FSD1: variants seen among roughly 807,000 people sequenced by gnomAD.
The protein encoded by FSD1 is fibronectin type III and SPRY domain containing 1.
A neutral mutation model predicts 58.2 loss-of-function variants in FSD1; 23 were observed. The observed-to-expected ratio is 0.40, with a 90% CI of 0.28 to 0.56. FSD1 has a LOEUF of 0.56. Ranked by LOEUF, FSD1 falls within the 20% of genes least tolerant of loss-of-function variation. The probability of loss-of-function intolerance (pLI) is 0.54; values close to 1 mark genes in which losing one functional copy is unlikely to be tolerated. For missense variants in FSD1, 563 were observed against 670.8 expected (o/e 0.84, Z 1.78); for synonymous variants, 265 against 263.4 (o/e 1.01, Z -0.06).
intron 7 of FSD1, among the ~76,000 whole-genome samples, chr19:4,315,925 A>G (rs1971750743): frequency 6.6e-6 from 1 of 150,418 alleles, no homozygotes; most frequent in East Asian, 2.0e-4. Flanking sequence ...CACCGCGCCT[A>G]GCCAGTTTTT....
At position 4,317,614 on chromosome 19, in the gene FSD1, C is replaced by A. The variant is rs1052070551; in HGVS notation, c.799+334C>A. Among the ~76,000 whole-genome samples, 5 of 152,244 alleles carry A rather than the reference C, an allele frequency of 3.3e-5. No homozygotes were observed. The East Asian group carries it at 9.6e-4, about 29-fold the overall frequency. On this transcript the variant is annotated intron_variant, in intron 8 of 12. Transcript: ENST00000221856. The stretch of plus-strand genomic sequence containing the variant: ...CCTTTCACAGTGACACCTTCACATG[C>A]CCTGCTAGGAAGTCCCTCTGAAATC...
At chr19:4,318,267 C>T in intron 8 of FSD1, 79 bp from the exon 9 acceptor site, 1 of 1,588,066 alleles carries the variant, frequency 6.3e-7, no homozygotes. Flanking sequence ...CTGTCTTGGT[C>T]ACTCTCTGTC....
chr19:4,316,675 G>T (rs1394662471), intron 7 of FSD1, among the ~76,000 whole-genome samples: 1 of 152,040 alleles, frequency 6.6e-6, no homozygotes, highest in African/African-American at 2.4e-5. Context: ...GTTGGAGGTG[G>T]AGTCAAGTAA....
At chr19:4,307,569 G>A (rs1203406287) in intron 3 of FSD1, among the ~76,000 whole-genome samples, 1 of 151,718 alleles carries the variant, frequency 6.6e-6, no homozygotes, top group Admixed American at 6.6e-5. Context: ...GGGTTTCACT[G>A]TGTTGGCCAG....
intron 10 of FSD1, among the ~76,000 whole-genome samples, chr19:4,320,127 G>A (rs751320316): frequency 6.6e-6 from 1 of 152,078 alleles, no homozygotes; most frequent in African/African-American, 2.4e-5. Context: ...GGCCTGGAGA[G>A]TATCTGGCTT....
intron 6 of FSD1, 121 bp downstream of exon 6, chr19:4,310,717 G>A (rs2144758894): frequency 8.3e-7 from 1 of 1,202,186 alleles, no homozygotes; most frequent in Non-Finnish European, 1.2e-6. Flanking sequence ...GCCTGGGGGA[G>A]GTGGAGCTCT....
intron 7 of FSD1, among the ~76,000 whole-genome samples, chr19:4,315,533 C>T (rs1412116755): frequency 6.6e-6 from 1 of 150,776 alleles, no homozygotes; most frequent in Non-Finnish European, 1.5e-5. Flanking sequence ...TGGTCTTGAT[C>T]TCCTGACCTT....
Position 4,306,103 on chromosome 19 carries a change from C to T in FSD1, c.111+62C>T, listed in dbSNP as rs74435900. ...AGGGGAGGAAGCTGGAGGGTGCAGC[C>T]TTAGGAACTGGCCCATTGCTGTTGA... On this transcript the variant is annotated intron_variant, in intron 2 of 12. Coordinates refer to ENST00000221856, the MANE Select transcript of FSD1 (RefSeq NM_024333.3). 9,074 of 1,605,830 alleles carry T rather than the reference C, an allele frequency of 5.7e-3. 452 individuals carry two copies. In the African/African-American group the frequency reaches 0.11, roughly 19 times the overall value.
chr19:4,318,935 G>A lies in FSD1; in HGVS notation c.1023G>A (p.Glu341=), dbSNP rs1437191544. ...GGGGACGGGACCGCTTCACCGCTGA[G>A]TCCTACACAGTTCTGGGTAAGGAAG... ...GRGGRDRFTA[E]SYTVLGDTLI... is the part of the protein sequence containing the mutation. Residue 341 remains glutamate (E), a synonymous_variant, in exon 10 of 13, where the codon GAG becomes GAA. Transcript: ENST00000221856. 6.2e-7 allele frequency: 1 copy of A among 1,613,528 alleles called. No homozygotes were observed. The highest frequency in any genetic ancestry group is 2.2e-5 in the East Asian group (1 of 44,894).
In FSD1 at chr19:4,323,763, G is replaced by A. The variant is rs970120571; in HGVS notation, c.*120G>A. On this transcript the variant is annotated 3_prime_UTR_variant, in exon 13 of 13. Transcript: ENST00000221856. The surrounding 1 kb of genome is among the most constrained non-coding windows in gnomAD (Gnocchi z 7.7). Reference sequence around the variant, plus strand: ...TTGGAGCCTTAACTCCAGATGGGGGGGTCACCAAGAGGGAGTGGGCACCCT... The same window carrying A: ...TTGGAGCCTTAACTCCAGATGGGGGAGTCACCAAGAGGGAGTGGGCACCCT... The A allele has an allele frequency of 4.2e-6, 3 of 712,348 alleles. No individual in the cohort carries two copies. The highest frequency in any genetic ancestry group is 3.6e-5 in the African/African-American group (2 of 56,318). The allele number at this position is 712,348 out of a possible 1,614,324, so 44.1% of individuals were successfully genotyped here. A position where few individuals can be genotyped will look rare whatever the true frequency, so the allele number is the denominator to read the frequency against.
At chr19:4,322,905 G>A in intron 10 of FSD1, 81 bp from the exon 11 acceptor site, 1 of 1,494,492 alleles carries the variant, frequency 6.7e-7, no homozygotes, top group Non-Finnish European at 9.0e-7. Flanking sequence ...GAGCACCTTG[G>A]GGGCTGGCCC....
chr19:4,317,681 G>T (rs897728922), intron 8 of FSD1, among the ~76,000 whole-genome samples: 2 of 152,082 alleles, frequency 1.3e-5, no homozygotes, highest in African/African-American at 4.8e-5. Context: ...CCTTTTTTGG[G>T]ATTAGTCCTC....
In FSD1 at chr19:4,306,345, A is replaced by G; in HGVS notation, c.243+16A>G. The G allele has an allele frequency of 6.2e-7, 1 of 1,612,616 alleles. No homozygotes were observed. Among genetic ancestry groups the G allele is most frequent in the Non-Finnish European group, 8.5e-7 (1 of 1,179,662 alleles). On this transcript the variant is annotated intron_variant, in intron 3 of 12. Coordinates refer to ENST00000221856, the MANE Select transcript of FSD1 (RefSeq NM_024333.3). ...CGAGCTGCAGGTGAGGGCTGAGGGCATCTTCCTCTCCCCCCGCCCCTCCTA... is the reference window on the plus strand; with the variant it reads ...CGAGCTGCAGGTGAGGGCTGAGGGCGTCTTCCTCTCCCCCCGCCCCTCCTA...
At chr19:4,321,519 TG>T (rs1231045141) in intron 10 of FSD1, among the ~76,000 whole-genome samples, 1 of 147,358 alleles carries the variant, frequency 6.8e-6, no homozygotes, top group African/African-American at 2.5e-5. Flanking sequence ...GAGGAGTATC[TG>T]GGGGGAATAG....
At chr19:4,317,317 A>C in intron 8 of FSD1, 37 bp downstream of exon 8, 6 of 1,216,516 alleles carry the variant, frequency 4.9e-6, no homozygotes, top group Non-Finnish European at 7.3e-6. Context: ...CCCTAACTCC[A>C]TGGCCCCTTC....
chr19:4,323,196 C>G lies in FSD1; in HGVS notation c.1250C>G (p.Pro417Arg). The G allele has an allele frequency of 6.2e-7, 1 of 1,604,876 alleles. No homozygotes were observed. The highest frequency in any genetic ancestry group is 8.5e-7 in the Non-Finnish European group (1 of 1,179,812). The change falls in exon 11 of 13, where the codon CCC (proline) becomes CGC (arginine). Residue 417 changes from proline to arginine, a missense_variant. Coordinates refer to ENST00000221856, the MANE Select transcript of FSD1 (RefSeq NM_024333.3). This position sits in a 1 kb window ranked among gnomAD's most constrained non-coding sequence, Gnocchi z 7.7. Reference protein sequence around the residue: ...HANKVKVLDAPVPDCLGVHCD... With the variant: ...HANKVKVLDARVPDCLGVHCD... The stretch of plus-strand genomic sequence containing the variant: ...AACAAGGTCAAGGTGCTGGACGCCC[C>G]CGTGCCCGACTGCCTGGGTGTGCAC...
chr19:4,318,516 C>T lies in FSD1; in HGVS notation c.959+11C>T. 2 of 1,576,284 alleles carry T rather than the reference C, an allele frequency of 1.3e-6. No homozygotes were observed. The highest frequency in any genetic ancestry group is 1.7e-6 in the Non-Finnish European group (2 of 1,160,532). On this transcript the variant is annotated intron_variant, in intron 9 of 12. Coordinates refer to ENST00000221856, the MANE Select transcript of FSD1 (RefSeq NM_024333.3). The stretch of plus-strand genomic sequence containing the variant: ...CAACTCCCCAGCCAGGTAGCCTGCC[C>T]CCTCCCCTCCCTAAGTCTCTGGTGG...
intron 8 of FSD1, 31 bp from the exon 9 acceptor site, chr19:4,318,315 C>G: frequency 6.2e-7 from 1 of 1,613,630 alleles, no homozygotes; most frequent in Non-Finnish European, 8.5e-7. Context: ...GTTTCCCCAT[C>G]TCTGTGACTC....
chr19:4,304,696 C>A lies in FSD1; in HGVS notation c.-51C>A. The A allele has an allele frequency of 8.3e-7, 1 of 1,201,644 alleles. No individual in the cohort carries two copies. The highest frequency in any genetic ancestry group is 1.0e-6 in the Non-Finnish European group (1 of 960,914). The allele number at this position is 1,201,644 out of a possible 1,614,324, so 74.4% of individuals were successfully genotyped here. On this transcript the variant is annotated 5_prime_UTR_variant, in exon 1 of 13. Coordinates refer to ENST00000221856, the MANE Select transcript of FSD1 (RefSeq NM_024333.3). ...GCCGCGGCAAAGGCAGCTTGGGGAC[C>A]CAGCGTGCGCGGGGCCCGCGGGCCG...
Sources: gnomAD v4.1 joint callset for allele counts (sites outside exome capture counted in the v4.1 genomes callset) on GRCh38, gnomAD v4.1.1 for gene constraint, Gnocchi (gnomAD v3.1) non-coding constraint, MANE v1.5 for transcripts, NCBI Gene and HGNC (gene_info 2026-07-23, HGNC 2026-07-21) for gene names.